CFAP44: variants seen among roughly 807,000 people sequenced by gnomAD.
The protein encoded by CFAP44 is cilia and flagella associated protein 44.
CFAP44 carries 134 observed loss-of-function variants against 216.2 expected under a neutral mutation model. The ratio of observed to expected loss-of-function variants is 0.62; its 90% CI spans 0.54 to 0.72. The LOEUF is 0.72. CFAP44 is among the 30% of genes least tolerant of loss of function. The pLI is 0.00. For synonymous variants in CFAP44, 700 were observed against 727.6 expected, an observed-to-expected ratio of 0.96 and a Z score of 0.61; for missense variants, 2,035 against 2,182.1, an observed-to-expected ratio of 0.93 and a Z score of 1.34.
At chr3:113,404,432 G>A (rs1934221786) in intron 8 of CFAP44, among the ~76,000 whole-genome samples, 1 of 152,152 alleles carries the variant, frequency 6.6e-6, no homozygotes, top group Admixed American at 6.5e-5. Flanking sequence ...TAGCATAATA[G>A]TATCCAATTT....
At chr3:113,439,859 G>A (rs1935321380) in intron 1 of CFAP44, among the ~76,000 whole-genome samples, 1 of 152,096 alleles carries the variant, frequency 6.6e-6, no homozygotes, top group African/African-American at 2.4e-5. Context: ...TGCCAGAGGT[G>A]GTTATTTAAG....
intron 5 of CFAP44, 121 bp from the exon 6 acceptor site, chr3:113,416,748 C>A: frequency 1.6e-6 from 1 of 637,248 alleles, no homozygotes; most frequent in Non-Finnish European, 2.6e-6. Context: ...TAATAGAAAA[C>A]TCAAAAATGG....
rs1450323516 is a variant in CFAP44 at position 113,344,681 on chromosome 3, C to T, written c.3097G>A (p.Val1033Met). Residue 1033 changes from valine to methionine, a missense_variant, in exon 23 of 35, where the codon GTG (valine) becomes ATG (methionine). Coordinates refer to ENST00000393845, the MANE Select transcript of CFAP44 (RefSeq NM_001164496.2). Reference sequence around the variant, plus strand: ...TGGTCACTCAGTATGGCATGAACCACAATAGTATCACTTTCCAGTGGATCT... The same window carrying T: ...TGGTCACTCAGTATGGCATGAACCATAATAGTATCACTTTCCAGTGGATCT... The part of the protein sequence containing the change: ...FRDPLESDTI[V>M]VHAILSDHKI... 6.6e-7 allele frequency: 1 copy of T among 1,518,388 alleles called. No homozygotes were observed. The highest frequency in any genetic ancestry group is 8.8e-7 in the Non-Finnish European group (1 of 1,140,886). 94.1% of individuals were successfully genotyped at this position (1,518,388 alleles called of 1,614,324 possible). A position where few individuals can be genotyped will look rare whatever the true frequency, so the allele number is the denominator to read the frequency against.
At chr3:113,302,676 G>A (rs1442941409) in intron 32 of CFAP44, among the ~76,000 whole-genome samples, 5 of 149,308 alleles carry the variant, frequency 3.3e-5, no homozygotes, top group African/African-American at 1.2e-4. Context: ...CAGGAGAATT[G>A]CTTGAGCCCA....
intron 22 of CFAP44, among the ~76,000 whole-genome samples, chr3:113,353,053 G>A (rs750079641): frequency 6.6e-6 from 1 of 152,166 alleles, no homozygotes; most frequent in East Asian, 1.9e-4. Flanking sequence ...GGACGGTAGG[G>A]AGGCAGAGGT....
intron 4 of CFAP44, among the ~76,000 whole-genome samples, chr3:113,423,105 C>CATTTT (rs1491251290): frequency 1.3e-5 from 1 of 79,158 alleles, no homozygotes; most frequent in African/African-American, 4.9e-5. Context: ...CTGATCCTTC[C>CATTTT]TTTTTTTTTT....
chr3:113,410,841 T>C (rs945761949), intron 6 of CFAP44, among the ~76,000 whole-genome samples: 2 of 151,218 alleles, frequency 1.3e-5, no homozygotes, highest in Non-Finnish European at 3.0e-5. Context: ...ATCACCATTC[T>C]AACTGGTGTG....
rs116265957 is a variant in CFAP44, at chr3:113,338,054, G to A, written c.3437+3690C>T. ...AGGGCAGGTAGATCACTTGAGGTCA[G>A]GGGTTCCAAACCAGCCTGGCCAACA... On this transcript the variant is annotated intron_variant, in intron 24 of 34. Coordinates refer to ENST00000393845, the MANE Select transcript of CFAP44 (RefSeq NM_001164496.2). Among the ~76,000 whole-genome samples, 1,348 of 151,948 alleles carry A rather than the reference G, an allele frequency of 8.9e-3. 15 individuals are homozygous for A. The highest frequency in any genetic ancestry group is 0.03 in the African/African-American group (1,258 of 41,440).
At chr3:113,379,609 C>T in intron 16 of CFAP44, 58 bp from the exon 17 acceptor site, 1 of 1,363,482 alleles carries the variant, frequency 7.3e-7, no homozygotes, top group Non-Finnish European at 1.0e-6. Flanking sequence ...CGTTCATTTA[C>T]ACCATTAGGG....
At chr3:113,356,470 C>T (rs555136989) in intron 22 of CFAP44, among the ~76,000 whole-genome samples, 2 of 152,164 alleles carry the variant, frequency 1.3e-5, no homozygotes, top group African/African-American at 4.8e-5. Context: ...TTAATTAAGA[C>T]AGAATGATAC....
In CFAP44 at chr3:113,289,546, T is replaced by A. The variant is rs1949808703; in HGVS notation, c.*2011A>T. 1 of 152,196 alleles carries A rather than the reference T, an allele frequency of 6.6e-6. No homozygotes were observed. Among genetic ancestry groups the A allele is most frequent in the Admixed American group, 6.5e-5 (1 of 15,272 alleles). 9.4% of individuals were successfully genotyped at this position (152,196 alleles called of 1,614,324 possible). The stretch of plus-strand genomic sequence containing the variant: ...CTCTACAATTACCAAGGGGATGGTA[T>A]CGCCTCAAGACCTTTCTCAGAGACC... On this transcript the variant is annotated 3_prime_UTR_variant, in exon 35 of 35. Transcript: ENST00000393845.
chr3:113,437,660 C>T (rs534988113), intron 1 of CFAP44, among the ~76,000 whole-genome samples: 1 of 152,172 alleles, frequency 6.6e-6, no homozygotes, highest in Non-Finnish European at 1.5e-5. Flanking sequence ...TCCTACCTTT[C>T]CTGGGTCATA....
rs904183463 is a variant in CFAP44 at position 113,361,054 on chromosome 3, C to T, written c.2934+2091G>A. ...GTTGCACAGGATTCCTGGCTATTAC[C>T]AAGTCAGTTGCATCAAGTAAATTAT... On this transcript the variant is annotated intron_variant, in intron 21 of 34. Transcript: ENST00000393845. 12 of 256,818 alleles carry T rather than the reference C, an allele frequency of 4.7e-5. No individual in the cohort carries two copies. The South Asian group carries it at 6.5e-4, about 14-fold the overall frequency. The allele number at this position is 256,818 out of a possible 1,614,324, so 15.9% of individuals were successfully genotyped here.
chr3:113,350,474 TAAAGA>T (rs1271804578), intron 22 of CFAP44, among the ~76,000 whole-genome samples: 3 of 152,136 alleles, frequency 2.0e-5, no homozygotes, highest in Non-Finnish European at 2.9e-5. Flanking sequence ...ATGGAAGTAG[TAAAGA>T]AAAGAGTGTA....
At chr3:113,323,792 C>T (rs1950165746) in intron 28 of CFAP44, among the ~76,000 whole-genome samples, 1 of 152,006 alleles carries the variant, frequency 6.6e-6, no homozygotes, top group South Asian at 2.1e-4. Context: ...GCCTGTAATC[C>T]CAGCACTTTG....
Position 113,290,609 on chromosome 3 carries a change from A to G in CFAP44, c.*948T>C, listed in dbSNP as rs1380702854. On this transcript the variant is annotated 3_prime_UTR_variant, in exon 35 of 35. Transcript: ENST00000393845. ...AGATTATCCTGCAATGGTTATAGCCATGAACTTCAATGAGCACTTACCCCC... is the reference window on the plus strand; with the variant it reads ...AGATTATCCTGCAATGGTTATAGCCGTGAACTTCAATGAGCACTTACCCCC... 6.6e-6 allele frequency: 1 copy of G among 152,252 alleles called. No homozygotes were observed. Among genetic ancestry groups the G allele is most frequent in the Non-Finnish European group, 1.5e-5 (1 of 68,046 alleles). 9.4% of individuals were successfully genotyped at this position (152,252 alleles called of 1,614,324 possible). A position where few individuals can be genotyped will look rare whatever the true frequency, so the allele number is the denominator to read the frequency against.
chr3:113,302,626 T>C (rs868812567), intron 32 of CFAP44, among the ~76,000 whole-genome samples: 16 of 150,366 alleles, frequency 1.1e-4, no homozygotes, highest in African/African-American at 2.2e-4. Flanking sequence ...CCGGGCGTGG[T>C]GGCAGGCGCC....
chr3:113,318,950 A>T (rs1336218246), intron 28 of CFAP44, among the ~76,000 whole-genome samples: 1 of 146,366 alleles, frequency 6.8e-6, no homozygotes, highest in Non-Finnish European at 1.5e-5. Flanking sequence ...ACTCAAAAAT[A>T]AAAAAACAAA....
rs537064332 is a variant in CFAP44 at position 113,375,200 on chromosome 3, T to C, written c.2299-1644A>G. ...GAAGGGAAGAATCAGGAGTTATCAT[T>C]TGATGAGTATGGGAGTTTCAGTGTT... On this transcript the variant is annotated intron_variant, in intron 17 of 34. Coordinates refer to ENST00000393845, the MANE Select transcript of CFAP44 (RefSeq NM_001164496.2). Among the ~76,000 whole-genome samples the C allele has an allele frequency of 6.6e-5, 10 of 152,204 alleles. No individual in the cohort carries two copies. In the South Asian group the frequency reaches 1.9e-3, roughly 28 times the overall value.
Sources: allele counts gnomAD v4.1 joint callset (sites outside exome capture counted in the v4.1 genomes callset), GRCh38; gene constraint gnomAD v4.1.1; transcripts MANE v1.5; gene names NCBI Gene and HGNC (gene_info 2026-07-23, HGNC 2026-07-21).